The following TRIM14 variants were observed in gnomAD, a reference collection of about 807,000 sequenced individuals.
TRIM14 encodes the protein tripartite motif-containing protein 14.
In TRIM14, 28 loss-of-function variants were observed where a neutral mutation model predicts 44.5. The observed-to-expected ratio is 0.63, with a 90% CI of 0.47 to 0.86. The LOEUF (loss-of-function observed/expected upper bound fraction) is 0.86. Ranked by LOEUF, TRIM14 falls within the 40% of genes least tolerant of loss-of-function variation. The pLI is 0.00. For synonymous variants in TRIM14, 299 were observed against 269.2 expected, an observed-to-expected ratio of 1.11 and a Z score of -1.08; for missense variants, 607 against 611.1, an observed-to-expected ratio of 0.99 and a Z score of 0.07.
intron 2 of TRIM14, among the ~76,000 whole-genome samples, chr9:98,109,283 C>G (rs1826749805): frequency 7.9e-6 from 1 of 126,012 alleles, no homozygotes; most frequent in Non-Finnish European, 1.5e-5. Flanking sequence ...GGGGAGGGAG[C>G]AACAGGATGA....
rs1188018616 is a variant in TRIM14 at position 98,087,891 on chromosome 9, A to AGCACGG, written c.902_907dup (p.Pro301_Val302dup). On this transcript the variant is annotated inframe_insertion, in exon 6 of 6. Transcript: ENST00000341469. Reference sequence around the variant, plus strand: ...CACTTGCCAGAGCGCGTCGAACCGCAGCACGGGCACGGGCCCCAGGCTGCC... The same window carrying AGCACGG: ...CACTTGCCAGAGCGCGTCGAACCGCAGCACGGGCACGGGCACGGGCCCCAGGCTGCC... 1.3e-6 allele frequency: 2 copies of AGCACGG among 1,570,008 alleles called. No homozygotes were observed. Among genetic ancestry groups the AGCACGG allele is most frequent in the Admixed American group, 1.8e-5 (1 of 56,768 alleles).
chr9:98,046,528 G>C, the TRIM14 span, among the ~76,000 whole-genome samples: 1 of 151,476 alleles, frequency 6.6e-6, no homozygotes, highest in Non-Finnish European at 1.5e-5. Context: ...AGCAACCTCC[G>C]CCTCCCGGGT....
intron 6 of TRIM14, among the ~76,000 whole-genome samples, chr9:98,077,883 C>G (rs999272988): frequency 2.6e-5 from 4 of 152,212 alleles, no homozygotes; most frequent in Non-Finnish European, 4.4e-5. Context: ...ACTGTACTGC[C>G]ATGGTATACA....
At chr9:98,056,974 G>GCGC in the TRIM14 span, 1 of 1,544,254 alleles carries the variant, frequency 6.5e-7, no homozygotes, top group East Asian at 2.4e-5. Flanking sequence ...CGGGATTCGG[G>GCGC]CGCCGGGAGG....
the TRIM14 span, among the ~76,000 whole-genome samples, chr9:98,054,327 A>C: frequency 1.3e-5 from 2 of 152,192 alleles, no homozygotes; most frequent in African/African-American, 4.8e-5. Context: ...TATTCCTTCC[A>C]AACTATCCTA....
chr9:98,091,937 G>A lies in TRIM14; in HGVS notation c.765C>T (p.Pro255=), dbSNP rs34400852. 2,516 of 1,610,620 alleles carry A rather than the reference G, an allele frequency of 1.6e-3. 34 individuals are homozygous for A. In the African/African-American group the frequency reaches 0.029, roughly 19 times the overall value. ...TKPGTLLKTS[P]SPERSLLLKY... is the part of the protein sequence containing the mutation. ...TCAGCAATAGCGATCGCTCTGGTGA[G>A]GGGCTGGTTTTCAACAAGGTACCTG... Residue 255 remains proline (P), a synonymous_variant, in exon 5 of 6, where the codon CCC becomes CCT. Transcript: ENST00000341469.
At chr9:98,099,311 G>A (rs1389882197) in intron 3 of TRIM14, among the ~76,000 whole-genome samples, 3 of 152,010 alleles carry the variant, frequency 2.0e-5, no homozygotes, top group African/African-American at 2.4e-5. Flanking sequence ...AATTAGCCAC[G>A]CATGGTGGCA....
downstream of TRIM14, chr9:98,080,781 A>C (rs937739204): frequency 4.5e-6 from 7 of 1,542,098 alleles, no homozygotes; most frequent in Non-Finnish European, 6.1e-6. Context: ...AAGCAGCATG[A>C]TATTTAATGT....
chr9:98,076,740 G>C, intron 6 of TRIM14: 1 of 584,812 alleles, frequency 1.7e-6, no homozygotes, highest in Non-Finnish European at 3.0e-6. Flanking sequence ...GGATGCAAAT[G>C]AATGTTTGCA....
intron 6 of TRIM14, among the ~76,000 whole-genome samples, chr9:98,071,427 C>G (rs7021059): frequency 6.6e-6 from 1 of 152,232 alleles, no homozygotes; most frequent in Non-Finnish European, 1.5e-5. Context: ...GTTATTTAAC[C>G]TTTTTGTGCC....
chr9:98,105,605 C>A (rs1444278889), intron 2 of TRIM14, among the ~76,000 whole-genome samples: 1 of 152,172 alleles, frequency 6.6e-6, no homozygotes, highest in Non-Finnish European at 1.5e-5. Context: ...AACAAAAAAA[C>A]AAACAAACAA....
At chr9:98,076,972 G>A in intron 6 of TRIM14, 1 of 1,611,454 alleles carries the variant, frequency 6.2e-7, no homozygotes, top group South Asian at 1.1e-5. Context: ...AGTTGGATCT[G>A]GAGACACTAA....
chr9:98,067,632 A>G (rs376056349), downstream of TRIM14, among the ~76,000 whole-genome samples: 6 of 152,140 alleles, frequency 3.9e-5, no homozygotes, highest in East Asian at 1.9e-4. Flanking sequence ...TAGCCTTCCA[A>G]TGAATTGTCT....
chr9:98,107,662 G>T (rs1455309776), intron 2 of TRIM14, among the ~76,000 whole-genome samples: 1 of 145,314 alleles, frequency 6.9e-6, no homozygotes, highest in Non-Finnish European at 1.5e-5. Context: ...TGACCATAAA[G>T]GTGTAGGTAG....
intron 2 of TRIM14, among the ~76,000 whole-genome samples, chr9:98,107,407 T>A (rs1826656958): frequency 6.6e-6 from 1 of 152,190 alleles, no homozygotes; most frequent in Non-Finnish European, 1.5e-5. Context: ...GTAAATGGTT[T>A]AAAAAACCTC....
At chr9:98,071,492 G>T (rs911764773) in intron 6 of TRIM14, among the ~76,000 whole-genome samples, 1 of 152,244 alleles carries the variant, frequency 6.6e-6, no homozygotes, top group South Asian at 2.1e-4. Context: ...GGGAGGGAAA[G>T]TGAAGATTAA....
In TRIM14 at chr9:98,113,381, G is replaced by A. The variant is rs540812352; in HGVS notation, c.208-3397C>T. On this transcript the variant is annotated intron_variant, in intron 1 of 5. Coordinates refer to ENST00000341469, the MANE Select transcript of TRIM14 (RefSeq NM_014788.4). ...AATTTTTTTCTTTTTTTGAGACAGG[G>A]TCTCACTTTGTCACCCAAGATGAAG... Among the ~76,000 whole-genome samples, 5 of 152,006 alleles carry A rather than the reference G, an allele frequency of 3.3e-5. No individual in the cohort carries two copies. In the South Asian group the frequency reaches 8.3e-4, roughly 25 times the overall value.
In TRIM14 at chr9:98,078,201, A is replaced by G. The variant is rs368279508; in HGVS notation, c.*29-8514T>C. The G allele has an allele frequency of 6.2e-6, 10 of 1,614,108 alleles. No homozygotes were observed. Among genetic ancestry groups the G allele is most frequent in the Middle Eastern group, 1.6e-4 (1 of 6,084 alleles). Reference sequence around the variant, plus strand: ...GGTGCTGGATTACTCAGGTCGCCCAATGGTGATCTCCAGTGGGATGCAGTC... The same window carrying G: ...GGTGCTGGATTACTCAGGTCGCCCAGTGGTGATCTCCAGTGGGATGCAGTC... On this transcript the variant is annotated intron_variant, in intron 6 of 6. Coordinates refer to the TRIM14 transcript ENST00000375098.
chr9:98,038,494 T>A, the TRIM14 span, among the ~76,000 whole-genome samples: 1 of 152,200 alleles, frequency 6.6e-6, no homozygotes, highest in Admixed American at 6.5e-5. Flanking sequence ...TCTTTCCTCT[T>A]TACTATAGTA....
Sources: allele counts gnomAD v4.1 joint callset (sites outside exome capture counted in the v4.1 genomes callset), GRCh38; gene constraint gnomAD v4.1.1; transcripts MANE v1.5; gene names NCBI Gene and HGNC (gene_info 2026-07-23, HGNC 2026-07-21).